The following ERBB2 variants were observed in gnomAD, a reference collection of about 807,000 sequenced individuals.
The protein encoded by ERBB2 is receptor tyrosine-protein kinase erbB-2.
A neutral mutation model predicts 149.0 loss-of-function variants in ERBB2; 61 were observed. The ratio of observed to expected loss-of-function variants is 0.41; its 90% CI spans 0.33 to 0.51. The LOEUF (loss-of-function observed/expected upper bound fraction) is 0.51, where lower values mean the gene tolerates loss of function less well. Among genes scored for constraint, ERBB2 ranks in the 20% least tolerant of loss-of-function variants. The pLI, the probability that ERBB2 is intolerant of heterozygous loss-of-function variation, is 0.25. For synonymous variants in ERBB2, 633 were observed against 678.8 expected, an observed-to-expected ratio of 0.93 and a Z score of 1.05; for missense variants, 1,205 against 1,655.1, an observed-to-expected ratio of 0.73 and a Z score of 4.72.
At chr17:39,701,611 C>T (rs188348281) in intron 1 of ERBB2, among the ~76,000 whole-genome samples, 19 of 152,150 alleles carry the variant, frequency 1.2e-4, no homozygotes, top group Non-Finnish European at 2.2e-4. Flanking sequence ...AGTGCATGGC[C>T]GTGTTATCTC....
chr17:39,721,393 GC>G (rs2059446149), intron 16 of ERBB2, among the ~76,000 whole-genome samples: 1 of 150,218 alleles, frequency 6.7e-6, no homozygotes, highest in Non-Finnish European at 1.5e-5. Flanking sequence ...TCCTGTCTCA[GC>G]CCCCCAGTAG....
rs2145659124 is a variant in ERBB2, at chr17:39,715,905, G to A, written c.1479G>A (p.Leu493=). Residue 493 remains leucine, a synonymous_variant, in exon 12 of 27, where the codon CTG becomes CTA. Transcript: ENST00000269571. ...DQLFRNPHQA[L]LHTANRPEDE... is the part of the protein sequence containing the mutation. ...TCTTTCGGAACCCGCACCAAGCTCTGCTCCACACTGCCAACCGGCCAGAGG... is the reference window on the plus strand; with the variant it reads ...TCTTTCGGAACCCGCACCAAGCTCTACTCCACACTGCCAACCGGCCAGAGG... 6.2e-7 allele frequency: 1 copy of A among 1,611,726 alleles called. No homozygotes were observed. Among genetic ancestry groups the A allele is most frequent in the Non-Finnish European group, 8.5e-7 (1 of 1,180,006 alleles).
chr17:39,721,364 C>T (rs1407791733), intron 16 of ERBB2, among the ~76,000 whole-genome samples: 1 of 148,620 alleles, frequency 6.7e-6, no homozygotes, highest in Non-Finnish European at 1.5e-5. Flanking sequence ...CTCCCAGGTT[C>T]AAGCAGTTCA....
upstream of ERBB2, among the ~76,000 whole-genome samples, chr17:39,694,366 A>G (rs1245132012): frequency 7.2e-6 from 1 of 139,140 alleles, no homozygotes; most frequent in African/African-American, 2.6e-5. Flanking sequence ...TAATAATAAA[A>G]CATTTACTTT....
upstream of ERBB2, among the ~76,000 whole-genome samples, chr17:39,694,271 G>GTATA (rs1393087883): frequency 1.2e-3 from 33 of 26,662 alleles, no homozygotes; most frequent in Non-Finnish European, 2.1e-3. Flanking sequence ...ATATATATGT[G>GTATA]TGTATATATA....
In ERBB2 at chr17:39,723,546, G is replaced by A. The variant is rs1487072507; in HGVS notation, c.2094G>A (p.Glu698=). 1.2e-6 allele frequency: 2 copies of A among 1,612,498 alleles called. No homozygotes were observed. Among genetic ancestry groups the A allele is most frequent in the Admixed American group, 1.7e-5 (1 of 59,728 alleles). Reference sequence around the variant, plus strand: ...CCACCCCCTCACCCCAGCTGGTGGAGCCGCTGACACCTAGCGGAGCGATGC... The same window carrying A: ...CCACCCCCTCACCCCAGCTGGTGGAACCGCTGACACCTAGCGGAGCGATGC... ...RRLLQETELV[E]PLTPSGAMPN... Residue 698 remains glutamate, a synonymous_variant, in exon 18 of 27, where the codon GAG becomes GAA. Transcript: ENST00000269571. This position sits in a 1 kb window ranked among gnomAD's most constrained non-coding sequence, Gnocchi z 6.2.
At position 39,727,059 on chromosome 17, in the gene ERBB2, G is replaced by A. The variant is rs1267523065; in HGVS notation, c.3159+56G>A. On this transcript the variant is annotated intron_variant, in intron 25 of 26. Transcript: ENST00000269571. The surrounding 1 kb of genome is among the most constrained non-coding windows in gnomAD (Gnocchi z 4.3). Reference sequence around the variant, plus strand: ...TCTGCTTACCTCCCCCAACCCCGGTGGACTAGGGTCCCTTTCTCTGATGTT... The same window carrying A: ...TCTGCTTACCTCCCCCAACCCCGGTAGACTAGGGTCCCTTTCTCTGATGTT... 1 of 1,458,132 alleles carries A rather than the reference G, an allele frequency of 6.9e-7. No homozygotes were observed. Among genetic ancestry groups the A allele is most frequent in the Non-Finnish European group, 9.2e-7 (1 of 1,082,222 alleles). The allele number at this position is 1,458,132 out of a possible 1,614,324, so 90.3% of individuals were successfully genotyped here.
In ERBB2 at chr17:39,715,741, G is replaced by A. The variant is rs2145650656; in HGVS notation, c.1315G>A (p.Gly439Ser). Reference protein sequence around the residue: ...QVIRGRILHNGAYSLTLQGLG... With the variant: ...QVIRGRILHNSAYSLTLQGLG... ...AAGGTGCCCACCTTTCTCCCATAGT[G>A]GCGCCTACTCGCTGACCCTGCAAGG... The change falls in exon 12 of 27, where the codon GGC becomes AGC. Residue 439 changes from glycine (G) to serine (S), a missense_variant and splice_region_variant. Gly to Ser is a moderately conservative substitution (Grantham distance 56). Coordinates refer to ENST00000269571, the MANE Select transcript of ERBB2 (RefSeq NM_004448.4). 6.2e-7 allele frequency: 1 copy of A among 1,606,048 alleles called. No individual in the cohort carries two copies.
chr17:39,705,375 C>T (rs192491582), intron 1 of ERBB2, among the ~76,000 whole-genome samples: 3 of 152,256 alleles, frequency 2.0e-5, no homozygotes, highest in South Asian at 2.1e-4. Flanking sequence ...GGGCTGAGGC[C>T]GGGGGAGGTC....
chr17:39,728,284 C>T lies in ERBB2; in HGVS notation c.*240C>T. 1 of 448,210 alleles carries T rather than the reference C, an allele frequency of 2.2e-6. No individual in the cohort carries two copies. The highest frequency in any genetic ancestry group is 4.0e-6 in the Non-Finnish European group (1 of 250,402). 27.8% of individuals were successfully genotyped at this position (448,210 alleles called of 1,614,324 possible). Reference sequence around the variant, plus strand: ...TCTTTGTGGATTCTGAGGCCCTGCCCAATGAGACTCTAGGGTCCAGTGGAT... The same window carrying T: ...TCTTTGTGGATTCTGAGGCCCTGCCTAATGAGACTCTAGGGTCCAGTGGAT... On this transcript the variant is annotated 3_prime_UTR_variant, in exon 27 of 27. Coordinates refer to ENST00000269571, the MANE Select transcript of ERBB2 (RefSeq NM_004448.4).
At chr17:39,724,490 C>T (rs2059635119) in intron 19 of ERBB2, among the ~76,000 whole-genome samples, 1 of 151,872 alleles carries the variant, frequency 6.6e-6, no homozygotes, top group Non-Finnish European at 1.5e-5. Context: ...AAACTCCTGA[C>T]CTCATGATCC....
rs766671083 is a variant in ERBB2, at chr17:39,727,520, GC to G, written c.3391del (p.Leu1131Ter). On this transcript the variant is annotated frameshift_variant, in exon 26 of 27. Transcript: ENST00000269571. LOFTEE classifies it high-confidence loss of function. This position sits in a 1 kb window ranked among gnomAD's most constrained non-coding sequence, Gnocchi z 4.3. ...PLPSETDGYV[A>X]PLTCSPQPEY... ...GCCCTCTGAGACTGATGGCTACGTT[GC>G]CCCCCTGACCTGCAGCCCCCAGCCT... 2 of 1,606,898 alleles carry G rather than the reference GC, an allele frequency of 1.2e-6. No individual in the cohort carries two copies. The highest frequency in any genetic ancestry group is 1.7e-6 in the Non-Finnish European group (2 of 1,177,938).
intron 1 of ERBB2, chr17:39,703,314 TGATCTGGAAAGA>T (rs1471726384): frequency 6.6e-6 from 1 of 152,162 alleles, no homozygotes; most frequent in Non-Finnish European, 1.5e-5. Context: ...GGTGATGGAA[TGATCTGGAAAGA>T]GATTCCTTCC....
At chr17:39,692,144 A>G (rs2145196183), upstream of ERBB2, among the ~76,000 whole-genome samples, 1 of 151,648 alleles carries the variant, frequency 6.6e-6, no homozygotes, top group East Asian at 1.9e-4. Flanking sequence ...ATGAGCCATC[A>G]CACCTGGCCA....
chr17:39,709,990 C>T, intron 5 of ERBB2, 96 bp from the exon 6 acceptor site: 5 of 1,495,162 alleles, frequency 3.3e-6, no homozygotes, highest in Non-Finnish European at 3.7e-6. Context: ...CTTGGGATGT[C>T]TCCCCTGGGC....
chr17:39,727,938 A>G lies in ERBB2; in HGVS notation c.3662A>G (p.Tyr1221Cys), dbSNP rs568793816. The change falls in exon 27 of 27, where the codon TAT (tyrosine) becomes TGT (cysteine). Residue 1221 changes from tyrosine to cysteine, a missense_variant. Physicochemically the swap from Tyr to Cys is radical, Grantham distance 194. This residue lies in a region of ERBB2 where 312 missense variants were observed against 343.8 expected (regional missense o/e 0.91). Coordinates refer to ENST00000269571, the MANE Select transcript of ERBB2 (RefSeq NM_004448.4). This position sits in a 1 kb window ranked among gnomAD's most constrained non-coding sequence, Gnocchi z 4.3. ...TTCAGCCCAGCCTTCGACAACCTCT[A>G]TTACTGGGACCAGGACCCACCAGAG... ...PAFSPAFDNLYYWDQDPPERG... is the reference protein window; with the variant it reads ...PAFSPAFDNLCYWDQDPPERG... The G allele has an allele frequency of 7.4e-6, 12 of 1,614,056 alleles. No homozygotes were observed. Among genetic ancestry groups the G allele is most frequent in the South Asian group, 4.4e-5 (4 of 91,076 alleles).
chr17:39,714,918 C>G (rs1355475112), intron 9 of ERBB2, among the ~76,000 whole-genome samples: 1 of 151,620 alleles, frequency 6.6e-6, no homozygotes, highest in Non-Finnish European at 1.5e-5. Flanking sequence ...TATAGGCGCG[C>G]GGCACCACAC....
chr17:39,714,984 G>A (rs1335422633), intron 9 of ERBB2, among the ~76,000 whole-genome samples: 1 of 152,056 alleles, frequency 6.6e-6, no homozygotes, highest in Non-Finnish European at 1.5e-5. Flanking sequence ...TGGCCAGGAT[G>A]GTCTCCATCT....
upstream of ERBB2, among the ~76,000 whole-genome samples, chr17:39,691,546 T>TTA (rs1555611660): frequency 1.8e-5 from 2 of 108,534 alleles, no homozygotes; most frequent in Admixed American, 1.8e-4. Context: ...CCATCTACAT[T>TTA]AAAAAAAAAA....
Sources: gnomAD v4.1 joint callset for allele counts (sites outside exome capture counted in the v4.1 genomes callset) on GRCh38, gnomAD v4.1.1 for gene constraint, gnomAD v4.1.1 regional missense constraint, Gnocchi (gnomAD v3.1) non-coding constraint, MANE v1.5 for transcripts, NCBI Gene and HGNC (gene_info 2026-07-23, HGNC 2026-07-21) for gene names.